Variants in ST8SIA2 observed in about 807,000 individuals in gnomAD.
The protein encoded by ST8SIA2 is ST8 alpha-N-acetyl-neuraminide alpha-2,8-sialyltransferase 2.
A neutral mutation model predicts 37.6 loss-of-function variants in ST8SIA2; 22 were observed. That is an observed-to-expected ratio of 0.58 (90% confidence interval 0.42 to 0.83). ST8SIA2 has a LOEUF of 0.83. Among genes scored for constraint, ST8SIA2 ranks in the 40% least tolerant of loss-of-function variants. The pLI is 0.00. For missense variants in ST8SIA2, 382 were observed against 484.7 expected (o/e 0.79, Z 1.99); for synonymous variants, 205 against 201.2 (o/e 1.02, Z -0.16).
intron 5 of ST8SIA2, among the ~76,000 whole-genome samples, chr15:92,454,913 G>GT (rs1555453827): frequency 6.6e-6 from 1 of 152,072 alleles, no homozygotes; most frequent in Non-Finnish European, 1.5e-5. Flanking sequence ...AGAGACGGTG[G>GT]CCCCTCAGGC....
chr15:92,438,049 G>A (rs2049771909), intron 3 of ST8SIA2, among the ~76,000 whole-genome samples: 1 of 152,130 alleles, frequency 6.6e-6, no homozygotes, highest in Admixed American at 6.5e-5. Context: ...TTCCTTCTGG[G>A]GCCCGCTGTG....
intron 1 of ST8SIA2, among the ~76,000 whole-genome samples, chr15:92,409,254 T>A (rs1241524024): frequency 6.6e-6 from 1 of 152,176 alleles, no homozygotes; most frequent in Non-Finnish European, 1.5e-5. Flanking sequence ...TGCAACCTCC[T>A]CAGTCTTGTA....
intron 4 of ST8SIA2, among the ~76,000 whole-genome samples, chr15:92,442,316 C>T (rs1382067919): frequency 6.6e-6 from 1 of 152,192 alleles, no homozygotes; most frequent in African/African-American, 2.4e-5. Flanking sequence ...AGGGCTGGGG[C>T]CTGCCTGCAA....
intron 1 of ST8SIA2, among the ~76,000 whole-genome samples, chr15:92,398,498 A>G (rs1260904987): frequency 6.6e-6 from 1 of 152,260 alleles, no homozygotes; most frequent in Non-Finnish European, 1.5e-5. Flanking sequence ...CCTAAGAGCT[A>G]AGAGCTACTC....
chr15:92,426,622 T>G (rs1275879752), intron 1 of ST8SIA2, among the ~76,000 whole-genome samples: 2 of 152,204 alleles, frequency 1.3e-5, no homozygotes, highest in Non-Finnish European at 2.9e-5. Context: ...AGCCTGGCTC[T>G]CAGGGACTGG....
At chr15:92,396,575 C>T (rs181492668) in intron 1 of ST8SIA2, among the ~76,000 whole-genome samples, 242 of 151,846 alleles carry the variant, frequency 1.6e-3, no homozygotes, top group Middle Eastern at 3.4e-3. Context: ...CTCACTGCAA[C>T]CTCCGCCTCC....
chr15:92,402,746 G>A (rs997691452), intron 1 of ST8SIA2, among the ~76,000 whole-genome samples: 2 of 152,088 alleles, frequency 1.3e-5, no homozygotes, highest in African/African-American at 4.8e-5. Context: ...ACACCGCTCT[G>A]CCTCTGCCTC....
intron 1 of ST8SIA2, among the ~76,000 whole-genome samples, chr15:92,405,862 G>A (rs768415643): frequency 2.8e-4 from 43 of 152,198 alleles, no homozygotes; most frequent in Non-Finnish European, 4.7e-4. Context: ...GCCCATCTAA[G>A]TTTAGTGGAG....
chr15:92,424,761 G>A (rs1487205942), intron 1 of ST8SIA2, among the ~76,000 whole-genome samples: 1 of 151,962 alleles, frequency 6.6e-6, no homozygotes, highest in East Asian at 1.9e-4. Context: ...ACAGGCGCAC[G>A]CCATCACACC....
chr15:92,431,702 A>G (rs1316496549), intron 2 of ST8SIA2, among the ~76,000 whole-genome samples: 1 of 152,210 alleles, frequency 6.6e-6, no homozygotes, highest in East Asian at 1.9e-4. Flanking sequence ...TGCAGCACAC[A>G]GCATGTAAAA....
intron 5 of ST8SIA2, among the ~76,000 whole-genome samples, chr15:92,460,665 T>C (rs2049951019): frequency 6.6e-6 from 1 of 152,198 alleles, no homozygotes; most frequent in South Asian, 2.1e-4. Flanking sequence ...GCCAGCACCA[T>C]TCCTCCTGCC....
chr15:92,455,588 C>T (rs2049914515), intron 5 of ST8SIA2, among the ~76,000 whole-genome samples: 1 of 152,158 alleles, frequency 6.6e-6, no homozygotes, highest in South Asian at 2.1e-4. Flanking sequence ...AAAGTATTCC[C>T]TATTGACACA....
At chr15:92,429,821 C>T (rs1234288714) in intron 1 of ST8SIA2, among the ~76,000 whole-genome samples, 3 of 152,172 alleles carry the variant, frequency 2.0e-5, no homozygotes, top group African/African-American at 7.2e-5. Context: ...CTAATTGGAA[C>T]AATATTCAAG....
chr15:92,395,146 A>C (rs981939157), intron 1 of ST8SIA2, among the ~76,000 whole-genome samples: 9 of 151,980 alleles, frequency 5.9e-5, no homozygotes, highest in Admixed American at 3.9e-4. Context: ...ACAGGTGGGG[A>C]GGCAGCCGGG....
In ST8SIA2 at chr15:92,394,103, C is replaced by T. The variant is rs770900422; in HGVS notation, c.39C>T (p.Leu13=). Residue 13 remains leucine (L), a synonymous_variant, in exon 1 of 6, where the codon CTC becomes CTT. Transcript: ENST00000268164. The part of the protein sequence containing the change: ...LQFRSWMLAA[L]TLLVVFLIFA... ...TCCGGAGCTGGATGCTGGCCGCGCT[C>T]ACGCTGCTCGTGGTCTTCCTCATCT... The T allele has an allele frequency of 6.4e-7, 1 of 1,558,720 alleles. No individual in the cohort carries two copies. The highest frequency in any genetic ancestry group is 8.7e-7 in the Non-Finnish European group (1 of 1,150,408).
intron 1 of ST8SIA2, chr15:92,421,355 G>A (rs975483438): frequency 1.3e-5 from 2 of 152,208 alleles, no homozygotes; most frequent in African/African-American, 2.4e-5. Context: ...ACATCGTAGA[G>A]CAGGAATTAG....
intron 4 of ST8SIA2, among the ~76,000 whole-genome samples, chr15:92,444,125 T>C (rs1462421365): frequency 1.3e-5 from 2 of 152,202 alleles, no homozygotes; most frequent in African/African-American, 4.8e-5. Flanking sequence ...AGCAATTCTT[T>C]TAATCCTTGG....
At chr15:92,429,913 ATTCTGCAGAGTCCAGAAT>A (rs2141827685) in intron 1 of ST8SIA2, 118 bp from the exon 2 acceptor site, 1 of 947,188 alleles carries the variant, frequency 1.1e-6, no homozygotes, top group Admixed American at 2.0e-5. Flanking sequence ...GACTTTGCCC[ATTCTGCAGAGTCCAGAAT>A]GAGGTCTCTT....
At chr15:92,408,719 T>TTATTTATA (rs1555451207) in intron 1 of ST8SIA2, among the ~76,000 whole-genome samples, 7 of 148,616 alleles carry the variant, frequency 4.7e-5, no homozygotes, top group African/African-American at 1.7e-4. Context: ...ATTTATTTAT[T>TTATTTATA]TATTGAGATG....
Sources: gnomAD v4.1 joint callset for allele counts (sites outside exome capture counted in the v4.1 genomes callset) on GRCh38, gnomAD v4.1.1 for gene constraint, MANE v1.5 for transcripts, NCBI Gene and HGNC (gene_info 2026-07-23, HGNC 2026-07-21) for gene names.